KLRG1: variants seen among roughly 807,000 people sequenced by gnomAD.
KLRG1 encodes the protein killer cell lectin like receptor G1.
In KLRG1, 16 loss-of-function variants were observed where a neutral mutation model predicts 21.8. The ratio of observed to expected loss-of-function variants is 0.73; its 90% CI spans 0.50 to 1.11. The LOEUF is 1.11. Ranked by LOEUF, KLRG1 falls within the 50% of genes most tolerant of loss-of-function variation. The pLI, the probability that KLRG1 is intolerant of heterozygous loss-of-function variation, is 0.00. For synonymous variants in KLRG1, 69 were observed against 75.9 expected (o/e 0.91, Z 0.47); for missense variants, 173 against 218.3 (o/e 0.79, Z 1.31).
chr12:8,998,459 C>T (rs1383410768), intron 3 of KLRG1, among the ~76,000 whole-genome samples: 1 of 152,096 alleles, frequency 6.6e-6, no homozygotes, highest in Admixed American at 6.5e-5. Context: ...GAGGCCATGG[C>T]AGGTGGATTG....
At chr12:9,194,282 G>C in the KLRG1 span, 2 of 1,586,242 alleles carry the variant, frequency 1.3e-6, no homozygotes, top group Admixed American at 3.4e-5. Flanking sequence ...ACAACACCCA[G>C]AGAGGACTGA....
At chr12:9,178,965 A>G in the KLRG1 span, among the ~76,000 whole-genome samples, 2 of 152,366 alleles carry the variant, frequency 1.3e-5, no homozygotes, top group Middle Eastern at 3.4e-3. Flanking sequence ...AGAAAATTTC[A>G]TATTACGAAT....
chr12:9,010,090 G>GCA lies in KLRG1; in HGVS notation c.*553_*554insCA. 7.2e-7 allele frequency: 1 copy of GCA among 1,382,838 alleles called. No individual in the cohort carries two copies. The highest frequency in any genetic ancestry group is 2.5e-5 in the East Asian group (1 of 40,074). The allele number at this position is 1,382,838 out of a possible 1,614,324, so 85.7% of individuals were successfully genotyped here. Reference sequence around the variant, plus strand: ...AGTCCTAGCTATTTGGGAAGCTGAGGTGGGAGGGTCGCTTGAGCCCAGGAG... The same window carrying GCA: ...AGTCCTAGCTATTTGGGAAGCTGAGGCATGGGAGGGTCGCTTGAGCCCAGGAG... On this transcript the variant is annotated 3_prime_UTR_variant, in exon 5 of 5. Transcript: ENST00000356986.
At chr12:9,210,785 C>T in the KLRG1 span, among the ~76,000 whole-genome samples, 4 of 152,250 alleles carry the variant, frequency 2.6e-5, no homozygotes, top group East Asian at 7.7e-4. Context: ...AGTTTTAAAA[C>T]ATCCTCCCAT....
chr12:9,081,675 TA>T, the KLRG1 span, among the ~76,000 whole-genome samples: 1 of 152,126 alleles, frequency 6.6e-6, no homozygotes, highest in African/African-American at 2.4e-5. Context: ...CAATGCCAGA[TA>T]GAGAGGAGTT....
the KLRG1 span, among the ~76,000 whole-genome samples, chr12:9,061,423 C>G: frequency 1.3e-5 from 2 of 152,072 alleles, no homozygotes; most frequent in Non-Finnish European, 1.5e-5. Context: ...CCGCACCTGG[C>G]CATTGTGCCT....
chr12:9,048,755 C>G, the KLRG1 span, among the ~76,000 whole-genome samples: 2 of 152,200 alleles, frequency 1.3e-5, no homozygotes, highest in Non-Finnish European at 2.9e-5. Context: ...AGACTAGATA[C>G]TTTCCCCTCA....
At chr12:8,974,170 T>C (rs945282785) in intron 1 of KLRG1, among the ~76,000 whole-genome samples, 3 of 127,018 alleles carry the variant, frequency 2.4e-5, no homozygotes, top group African/African-American at 7.7e-5. Flanking sequence ...TGTTTGTTTG[T>C]TTTGTTTTTT....
upstream of KLRG1, among the ~76,000 whole-genome samples, chr12:8,988,900 A>G (rs1946892158): frequency 6.6e-6 from 1 of 151,994 alleles, no homozygotes; most frequent in African/African-American, 2.4e-5. Context: ...CTTTTTATTA[A>G]CTTTTCACCT....
the KLRG1 span, among the ~76,000 whole-genome samples, chr12:9,102,477 A>C: frequency 1.3e-5 from 2 of 152,024 alleles, no homozygotes; most frequent in African/African-American, 2.4e-5. Context: ...CAGCCTCCCA[A>C]AGTGCTGGGA....
At chr12:9,125,395 G>A in the KLRG1 span, among the ~76,000 whole-genome samples, 18 of 152,226 alleles carry the variant, frequency 1.2e-4, no homozygotes, top group African/African-American at 4.1e-4. Context: ...GTCGCCAGCC[G>A]CAGAAGTTTC....
At chr12:9,116,583 G>A in the KLRG1 span, among the ~76,000 whole-genome samples, 27 of 151,966 alleles carry the variant, frequency 1.8e-4, no homozygotes, top group Non-Finnish European at 3.7e-4. Flanking sequence ...CTTTACCATC[G>A]ACTACACAGA....
chr12:9,070,650 T>G, the KLRG1 span: 1 of 1,028,224 alleles, frequency 9.7e-7, no homozygotes, highest in Non-Finnish European at 1.5e-6. Flanking sequence ...ATGTCCATGT[T>G]AAGCATTCCA....
chr12:9,201,133 A>C, the KLRG1 span: 1 of 1,558,898 alleles, frequency 6.4e-7, no homozygotes. Context: ...AATGATTTTG[A>C]AGGTGATAAT....
At chr12:9,071,150 G>A in the KLRG1 span, among the ~76,000 whole-genome samples, 2 of 152,214 alleles carry the variant, frequency 1.3e-5, 1 homozygote, top group Middle Eastern at 6.8e-3. Flanking sequence ...AGCTCTACAA[G>A]TGATGCACAG....
chr12:9,115,822 T>G, the KLRG1 span: 3 of 1,613,458 alleles, frequency 1.9e-6, no homozygotes, highest in South Asian at 3.3e-5. Context: ...AGAACCAGAC[T>G]TGGATGAAGG....
the KLRG1 span, among the ~76,000 whole-genome samples, chr12:9,193,767 AAAT>A: frequency 6.6e-6 from 1 of 152,152 alleles, no homozygotes; most frequent in Non-Finnish European, 1.5e-5. Context: ...GACCTGGAAA[AAAT>A]AACATAAAAC....
the KLRG1 span, chr12:9,162,259 G>T: frequency 5.0e-6 from 1 of 201,076 alleles, no homozygotes; most frequent in Non-Finnish European, 9.9e-6. Flanking sequence ...ACCACACCCG[G>T]CTAACCCTGC....
intron 2 of KLRG1, among the ~76,000 whole-genome samples, chr12:8,993,569 T>C (rs1459999621): frequency 1.3e-5 from 2 of 152,162 alleles, no homozygotes; most frequent in Non-Finnish European, 2.9e-5. Context: ...ATTACAGGTG[T>C]GAGCCATTGC....
Sources: allele counts gnomAD v4.1 joint callset (sites outside exome capture counted in the v4.1 genomes callset), GRCh38; gene constraint gnomAD v4.1.1; transcripts MANE v1.5; gene names NCBI Gene and HGNC (gene_info 2026-07-23, HGNC 2026-07-21).